CHST11: variants seen among roughly 807,000 people sequenced by gnomAD.
CHST11 encodes the protein carbohydrate sulfotransferase 11, also known as C4S-1.
Under a neutral mutation model 30.4 loss-of-function variants are expected in CHST11, and 9 were observed. The ratio of observed to expected loss-of-function variants is 0.30; its 90% confidence interval spans 0.18 to 0.52. CHST11 has a LOEUF of 0.52. Ranked by LOEUF, CHST11 falls within the 20% of genes least tolerant of loss-of-function variation. The pLI is 0.97. For synonymous variants in CHST11, 152 were observed against 187.8 expected, an observed-to-expected ratio of 0.81 and a Z score of 1.56; for missense variants, 348 against 460.6, an observed-to-expected ratio of 0.76 and a Z score of 2.24.
chr12:104,680,605 T>C (rs1436726108), intron 2 of CHST11, among the ~76,000 whole-genome samples: 2 of 152,218 alleles, frequency 1.3e-5, no homozygotes, highest in Non-Finnish European at 2.9e-5. Flanking sequence ...TTTCTGCTTA[T>C]TGGGTCAGTG....
intron 2 of CHST11, among the ~76,000 whole-genome samples, chr12:104,753,677 C>T (rs1240342639): frequency 1.3e-5 from 2 of 152,220 alleles, no homozygotes; most frequent in South Asian, 2.1e-4. Context: ...GAAAAGAATA[C>T]ATGGCCACCA....
chr12:104,695,185 T>C (rs2039932820), intron 2 of CHST11, among the ~76,000 whole-genome samples: 1 of 152,236 alleles, frequency 6.6e-6, no homozygotes, highest in Non-Finnish European at 1.5e-5. Flanking sequence ...GACATGGTGT[T>C]GCCTTCCCAA....
intron 2 of CHST11, among the ~76,000 whole-genome samples, chr12:104,723,649 C>G (rs2040195566): frequency 1.3e-5 from 2 of 152,136 alleles, no homozygotes; most frequent in Non-Finnish European, 1.5e-5. Flanking sequence ...AGAGGTGGTG[C>G]CCAAATTAGA....
intron 2 of CHST11, among the ~76,000 whole-genome samples, chr12:104,722,154 A>G (rs1217420477): frequency 2.2e-5 from 1 of 46,488 alleles, no homozygotes; most frequent in Non-Finnish European, 4.0e-5. Flanking sequence ...ACACTCAGCT[A>G]AGTGTGTGTG....
intron 1 of CHST11, among the ~76,000 whole-genome samples, chr12:104,578,709 C>A (rs1212938827): frequency 1.3e-5 from 2 of 152,198 alleles, no homozygotes; most frequent in Non-Finnish European, 2.9e-5. Context: ...GGAAAGCGCT[C>A]AGCAAGCTCT....
At chr12:104,743,098 C>T (rs1246994561) in intron 2 of CHST11, among the ~76,000 whole-genome samples, 1 of 152,248 alleles carries the variant, frequency 6.6e-6, no homozygotes, top group Non-Finnish European at 1.5e-5. Context: ...TTCAACAAAG[C>T]TTTCAGTGTC....
At chr12:104,578,632 T>G (rs1448254549) in intron 1 of CHST11, among the ~76,000 whole-genome samples, 1 of 152,218 alleles carries the variant, frequency 6.6e-6, no homozygotes, top group Non-Finnish European at 1.5e-5. Flanking sequence ...CCAGAATCCC[T>G]AAGTCCTGTC....
At chr12:104,747,843 C>T (rs1047568258) in intron 2 of CHST11, among the ~76,000 whole-genome samples, 1 of 152,138 alleles carries the variant, frequency 6.6e-6, no homozygotes, top group Admixed American at 6.6e-5. Context: ...ACCTCTCTTC[C>T]TCCTGTTTGG....
At chr12:104,594,928 C>G (rs190055746) in intron 1 of CHST11, among the ~76,000 whole-genome samples, 57 of 152,254 alleles carry the variant, frequency 3.7e-4, no homozygotes, top group African/African-American at 1.2e-3. Flanking sequence ...GCCTGGATGA[C>G]AGAGCGAGAC....
At chr12:104,593,533 G>A (rs10861241) in intron 1 of CHST11, among the ~76,000 whole-genome samples, 42,929 of 152,122 alleles carry the variant, frequency 0.28, 6,221 homozygotes, top group African/African-American at 0.34. Flanking sequence ...AGCTCCTGAA[G>A]GCCTGATTGG....
At position 104,705,165 on chromosome 12, in the gene CHST11, G is replaced by A. The variant is rs115103367; in HGVS notation, c.205-51784G>A. On this transcript the variant is annotated intron_variant, in intron 2 of 2. Coordinates refer to ENST00000303694, the MANE Select transcript of CHST11 (RefSeq NM_018413.6). ...GAAGTGCTTGCTGCCTACGGAGCCT[G>A]CTTTTGGGAAGATCTTGGTGTGGGT... Among the ~76,000 whole-genome samples the A allele has an allele frequency of 1.3e-3, 194 of 152,294 alleles. 1 individual carries two copies. Among genetic ancestry groups the A allele is most frequent in the African/African-American group, 4.5e-3 (187 of 41,574 alleles).
At chr12:104,478,014 G>C (rs2037580335) in intron 1 of CHST11, among the ~76,000 whole-genome samples, 1 of 152,174 alleles carries the variant, frequency 6.6e-6, no homozygotes, top group Non-Finnish European at 1.5e-5. Flanking sequence ...AGCACCCTGA[G>C]AATGAAGCCT....
intron 2 of CHST11, among the ~76,000 whole-genome samples, chr12:104,678,962 G>A (rs1158805668): frequency 6.6e-6 from 1 of 152,118 alleles, no homozygotes; most frequent in Non-Finnish European, 1.5e-5. Flanking sequence ...TCCCGCTCTA[G>A]CTCACACAGT....
At chr12:104,539,613 C>G (rs2038268602) in intron 1 of CHST11, among the ~76,000 whole-genome samples, 1 of 152,146 alleles carries the variant, frequency 6.6e-6, no homozygotes. Context: ...CGTTAGGACC[C>G]TTGGCACTGA....
At chr12:104,628,434 C>G (rs902450586) in intron 2 of CHST11, among the ~76,000 whole-genome samples, 4 of 152,192 alleles carry the variant, frequency 2.6e-5, no homozygotes, top group Non-Finnish European at 5.9e-5. Context: ...ATGAGCCTAT[C>G]AAGACTTGTT....
intron 2 of CHST11, among the ~76,000 whole-genome samples, chr12:104,626,591 A>C (rs2039216924): frequency 6.6e-6 from 1 of 151,986 alleles, no homozygotes; most frequent in African/African-American, 2.4e-5. Context: ...AAAAAAAAAA[A>C]AAAAAACATG....
intron 1 of CHST11, among the ~76,000 whole-genome samples, chr12:104,503,786 G>T (rs990560743): frequency 2.0e-5 from 3 of 152,130 alleles, no homozygotes; most frequent in Non-Finnish European, 4.4e-5. Context: ...GTACCCGTTC[G>T]CTTTCTCTGT....
At chr12:104,665,397 C>T (rs1194860990) in intron 2 of CHST11, among the ~76,000 whole-genome samples, 1 of 152,076 alleles carries the variant, frequency 6.6e-6, no homozygotes, top group African/African-American at 2.4e-5. Context: ...TATCATAGTC[C>T]AGAAAGTCTT....
chr12:104,507,967 T>A (rs1260684964), intron 1 of CHST11, among the ~76,000 whole-genome samples: 1 of 152,148 alleles, frequency 6.6e-6, no homozygotes, highest in Non-Finnish European at 1.5e-5. Context: ...GTGTATGGAA[T>A]TGGGGTGTTT....
Sources: gnomAD v4.1 joint callset for allele counts (sites outside exome capture counted in the v4.1 genomes callset) on GRCh38, gnomAD v4.1.1 for gene constraint, MANE v1.5 for transcripts, NCBI Gene and HGNC (gene_info 2026-07-23, HGNC 2026-07-21) for gene names.